DPP6: variants seen among roughly 807,000 people sequenced by gnomAD.
DPP6 encodes the protein A-type potassium channel modulatory protein DPP6.
A neutral mutation model predicts 122.6 loss-of-function variants in DPP6; 69 were observed. That is an observed-to-expected ratio of 0.56 (90% CI 0.46 to 0.69). The LOEUF (loss-of-function observed/expected upper bound fraction) is 0.69, where lower values mean the gene tolerates loss of function less well. Among genes scored for constraint, DPP6 ranks in the 30% least tolerant of loss-of-function variants. The pLI is 0.00. For missense variants in DPP6, 928 were observed against 1,116.9 expected (o/e 0.83, Z 2.41); for synonymous variants, 418 against 433.1 (o/e 0.97, Z 0.43).
chr7:154,767,280 A>G (rs1412114833), intron 8 of DPP6, among the ~76,000 whole-genome samples: 1 of 152,084 alleles, frequency 6.6e-6, no homozygotes, highest in Non-Finnish European at 1.5e-5. Flanking sequence ...ACTCTACTCC[A>G]GCCCCATTGG....
chr7:154,047,512 A>G (rs1800081875), upstream of DPP6, among the ~76,000 whole-genome samples: 2 of 148,122 alleles, frequency 1.4e-5, no homozygotes, highest in African/African-American at 2.6e-5. Context: ...ATCACCAGGG[A>G]CAAACAGAAA....
chr7:153,888,073 T>C (rs1301540895), intron 1 of DPP6, among the ~76,000 whole-genome samples: 3 of 152,092 alleles, frequency 2.0e-5, no homozygotes, highest in African/African-American at 7.2e-5. Flanking sequence ...CCCCCAGGGC[T>C]CTTCTGGGGA....
intron 2 of DPP6, among the ~76,000 whole-genome samples, chr7:154,454,293 T>C (rs962528824): frequency 6.6e-6 from 1 of 152,204 alleles, no homozygotes; most frequent in Non-Finnish European, 1.5e-5. Flanking sequence ...TCTACTCTGA[T>C]CATGAAACAC....
intron 1 of DPP6, among the ~76,000 whole-genome samples, chr7:154,108,005 A>G (rs1445077298): frequency 6.6e-6 from 1 of 152,236 alleles, no homozygotes; most frequent in Non-Finnish European, 1.5e-5. Context: ...TTAATAACAA[A>G]TAAATAATTC....
chr7:154,430,768 C>T (rs1464471919), intron 1 of DPP6, among the ~76,000 whole-genome samples: 3 of 152,212 alleles, frequency 2.0e-5, no homozygotes, highest in Non-Finnish European at 4.4e-5. Flanking sequence ...CTTTAATCCT[C>T]ACTTCAGTGC....
At chr7:154,699,690 G>C (rs1563117550) in intron 7 of DPP6, among the ~76,000 whole-genome samples, 2 of 152,202 alleles carry the variant, frequency 1.3e-5, no homozygotes, top group Admixed American at 6.5e-5. Context: ...CATTTCTAAC[G>C]AATCCCCAGG....
At chr7:154,592,680 C>G (rs1446477907) in intron 5 of DPP6, among the ~76,000 whole-genome samples, 1 of 152,118 alleles carries the variant, frequency 6.6e-6, no homozygotes, top group Non-Finnish European at 1.5e-5. Context: ...AGGACAAGGT[C>G]CTGTGATCCG....
intron 1 of DPP6, among the ~76,000 whole-genome samples, chr7:154,174,741 T>G (rs1797709028): frequency 6.6e-6 from 1 of 152,226 alleles, no homozygotes; most frequent in South Asian, 2.1e-4. Context: ...GTCCCTGTAA[T>G]GCAAGCAAGT....
At chr7:154,536,401 A>T (rs1055075550) in intron 3 of DPP6, among the ~76,000 whole-genome samples, 1 of 152,156 alleles carries the variant, frequency 6.6e-6, no homozygotes, top group East Asian at 1.9e-4. Flanking sequence ...AAAATATAAA[A>T]ACTCATGGAA....
At chr7:154,859,397 C>T (rs993844868) in intron 17 of DPP6, among the ~76,000 whole-genome samples, 5 of 152,194 alleles carry the variant, frequency 3.3e-5, no homozygotes, top group Non-Finnish European at 7.3e-5. Flanking sequence ...GTGTGGCCCA[C>T]GTTCTGTTAC....
intron 1 of DPP6, among the ~76,000 whole-genome samples, chr7:154,279,238 A>ATG (rs1321432439): frequency 6.6e-6 from 1 of 152,096 alleles, no homozygotes; most frequent in Non-Finnish European, 1.5e-5. Flanking sequence ...GTGTGCATAT[A>ATG]TGTGTGTGTG....
At chr7:154,478,061 A>G (rs1822909038) in intron 3 of DPP6, among the ~76,000 whole-genome samples, 1 of 151,758 alleles carries the variant, frequency 6.6e-6, no homozygotes, top group Non-Finnish European at 1.5e-5. Flanking sequence ...CTCCCTAAAG[A>G]GGCAATAGCT....
At chr7:153,888,886 G>T (rs1799066318) in intron 1 of DPP6, among the ~76,000 whole-genome samples, 1 of 152,072 alleles carries the variant, frequency 6.6e-6, no homozygotes, top group Admixed American at 6.5e-5. Context: ...AAGTGATGGG[G>T]GTGCAGAGGC....
chr7:154,494,929 G>A (rs563675273), intron 3 of DPP6, among the ~76,000 whole-genome samples: 2 of 152,318 alleles, frequency 1.3e-5, no homozygotes, highest in African/African-American at 4.8e-5. Context: ...GTGCTTTCTC[G>A]AGATACAGAC....
At chr7:154,184,002 G>A (rs533797355) in intron 1 of DPP6, among the ~76,000 whole-genome samples, 1 of 152,134 alleles carries the variant, frequency 6.6e-6, no homozygotes. Flanking sequence ...AGATTAAGTG[G>A]ATAATGGCCA....
At position 154,120,405 on chromosome 7, in the gene DPP6, C is replaced by T. The variant is rs181493421; in HGVS notation, c.243+67342C>T. On this transcript the variant is annotated intron_variant, in intron 1 of 25. Transcript: ENST00000377770. ...GAATACAGGTGTCCGCCACCATGCC[C>T]AGCTAATTTTTTTTATTTTTAGTAG... is the stretch of plus-strand genomic sequence containing the variant. Among the ~76,000 whole-genome samples the T allele has an allele frequency of 8.3e-3, 1,268 of 152,142 alleles. 9 individuals carry two copies. The highest frequency in any genetic ancestry group is 0.027 in the Middle Eastern group (8 of 292).
chr7:154,328,723 G>A (rs183328685), intron 1 of DPP6, among the ~76,000 whole-genome samples: 190 of 152,282 alleles, frequency 1.2e-3, no homozygotes, highest in Middle Eastern at 6.8e-3. Flanking sequence ...GGGTGTACAT[G>A]GTATTAGGGG....
intron 1 of DPP6, among the ~76,000 whole-genome samples, chr7:154,155,600 A>G (rs187829872): frequency 5.6e-4 from 85 of 152,348 alleles, no homozygotes; most frequent in South Asian, 2.9e-3. Flanking sequence ...CTGATGGTCT[A>G]GTAGCCTTGT....
At chr7:154,812,760 G>T (rs968643563) in intron 16 of DPP6, among the ~76,000 whole-genome samples, 5 of 152,264 alleles carry the variant, frequency 3.3e-5, no homozygotes, top group South Asian at 2.1e-4. Context: ...CTCATCAGTT[G>T]TTTGCAAACA....
Sources: allele counts gnomAD v4.1 joint callset (sites outside exome capture counted in the v4.1 genomes callset), GRCh38; gene constraint gnomAD v4.1.1; transcripts MANE v1.5; gene names NCBI Gene and HGNC (gene_info 2026-07-23, HGNC 2026-07-21).